PIEZO2: variants seen among roughly 807,000 people sequenced by gnomAD.
The protein encoded by PIEZO2 is piezo type mechanosensitive ion channel component 2.
A neutral mutation model predicts 337.3 loss-of-function variants in PIEZO2; 172 were observed. The observed-to-expected ratio is 0.51, with a 90% CI of 0.45 to 0.58. PIEZO2 has a LOEUF of 0.58. PIEZO2 is among the 20% of genes least tolerant of loss of function. The pLI, the probability that PIEZO2 is intolerant of heterozygous loss-of-function variation, is 0.00. For missense variants in PIEZO2, 3,028 were observed against 3,391.3 expected, an observed-to-expected ratio of 0.89 and a Z score of 2.66; for synonymous variants, 1,251 against 1,228.5, an observed-to-expected ratio of 1.02 and a Z score of -0.38.
chr18:10,868,399 A>C (rs1377268090), intron 5 of PIEZO2, among the ~76,000 whole-genome samples: 1 of 152,200 alleles, frequency 6.6e-6, no homozygotes, highest in African/African-American at 2.4e-5. Flanking sequence ...CTCAGATTCA[A>C]GTCCAGATTG....
intron 2 of PIEZO2, among the ~76,000 whole-genome samples, chr18:10,998,225 C>G (rs1321276118): frequency 6.6e-6 from 1 of 151,942 alleles, no homozygotes; most frequent in Non-Finnish European, 1.5e-5. Context: ...AACCTGCTAT[C>G]AAAGCAATGC....
At position 11,026,964 on chromosome 18, in the gene PIEZO2, C is replaced by T. The variant is rs117555326; in HGVS notation, c.160+39163G>A. On this transcript the variant is annotated intron_variant, in intron 2 of 55. Coordinates refer to ENST00000674853, the MANE Select transcript of PIEZO2 (RefSeq NM_001378183.1). ...TTAGCAATCTATCACATCACTTGAA[C>T]TAATGGGAGCGCTCGTCTCCAAGCT... Among the ~76,000 whole-genome samples the T allele has an allele frequency of 2.5e-3, 388 of 152,252 alleles. 5 individuals are homozygous for T. The East Asian group carries it at 0.033, about 13-fold the overall frequency.
chr18:10,904,423 G>T (rs2043124857), intron 4 of PIEZO2, among the ~76,000 whole-genome samples: 1 of 152,240 alleles, frequency 6.6e-6, no homozygotes, highest in African/African-American at 2.4e-5. Flanking sequence ...CTACTGTGTA[G>T]ATTGTGTAGT....
intron 1 of PIEZO2, among the ~76,000 whole-genome samples, chr18:11,081,759 CTTTTT>C (rs547000060): frequency 7.3e-6 from 1 of 137,474 alleles, no homozygotes. Flanking sequence ...CTCAACTCAA[CTTTTT>C]TTTTTTTTTT....
intron 42 of PIEZO2, 22 bp downstream of exon 42, chr18:10,704,372 A>G: frequency 5.9e-6 from 9 of 1,535,804 alleles, no homozygotes; most frequent in Non-Finnish European, 7.9e-6. Context: ...AGCCATCCAC[A>G]GGGGTCTGCG....
At chr18:11,073,412 C>T (rs915376155) in intron 1 of PIEZO2, among the ~76,000 whole-genome samples, 4 of 152,140 alleles carry the variant, frequency 2.6e-5, no homozygotes, top group Non-Finnish European at 4.4e-5. Context: ...GCTCACCCTG[C>T]GGGAAGCCAG....
intron 4 of PIEZO2, among the ~76,000 whole-genome samples, chr18:10,891,961 T>G (rs543836265): frequency 5.3e-5 from 8 of 152,324 alleles, no homozygotes; most frequent in Admixed American, 3.9e-4. Flanking sequence ...AGTTCAAGTG[T>G]GCTTTAATTT....
rs2037442432 is a variant in PIEZO2 at position 10,746,818 on chromosome 18, T to A, written c.4424+1653A>T. ...CACTGAATCTGCTCGAACCTTGATG[T>A]TGGACTTTCCAGCCTGTGGAACTGT... On this transcript the variant is annotated intron_variant, in intron 30 of 55. Transcript: ENST00000674853. This position sits in a 1 kb window ranked among gnomAD's most constrained non-coding sequence, Gnocchi z 4.2. 1.3e-5 allele frequency among the ~76,000 whole-genome samples: 2 copies of A among 152,216 alleles called. No homozygotes were observed. The highest frequency in any genetic ancestry group is 4.1e-4 in the South Asian group (2 of 4,830).
At chr18:10,777,426 C>T (rs2038829028) in intron 18 of PIEZO2, among the ~76,000 whole-genome samples, 1 of 152,190 alleles carries the variant, frequency 6.6e-6, no homozygotes, top group African/African-American at 2.4e-5. Context: ...GAATCCAGTC[C>T]TGCTCTACTC....
At chr18:10,852,467 C>T (rs538812506) in intron 7 of PIEZO2, among the ~76,000 whole-genome samples, 18 of 151,544 alleles carry the variant, frequency 1.2e-4, no homozygotes, top group African/African-American at 4.4e-4. Flanking sequence ...CATGTGCCCT[C>T]TCTCTCTCTC....
At chr18:11,049,060 A>G (rs2037422212) in intron 2 of PIEZO2, among the ~76,000 whole-genome samples, 2 of 152,146 alleles carry the variant, frequency 1.3e-5, no homozygotes, top group African/African-American at 4.8e-5. Context: ...AAATAAATTG[A>G]CTCAAAAAAT....
intron 36 of PIEZO2, among the ~76,000 whole-genome samples, chr18:10,722,832 T>A (rs1737620691): frequency 6.6e-6 from 1 of 152,056 alleles, no homozygotes; most frequent in African/African-American, 2.4e-5. Context: ...CATAGACAAG[T>A]CCTGGAATAT....
chr18:10,944,202 G>T (rs1159830963), intron 3 of PIEZO2, among the ~76,000 whole-genome samples: 1 of 151,984 alleles, frequency 6.6e-6, no homozygotes, highest in Non-Finnish European at 1.5e-5. Flanking sequence ...GCAATCATCA[G>T]TTTGGGCACA....
rs1198507424 is a variant in PIEZO2 at position 10,787,096 on chromosome 18, G to A, written c.2258C>T (p.Thr753Ile). The A allele has an allele frequency of 1.3e-6, 2 of 1,535,050 alleles. No homozygotes were observed. The highest frequency in any genetic ancestry group is 2.0e-5 in the Admixed American group (1 of 50,814). The change falls in exon 16 of 56, where the codon ACA becomes ATA. Residue 753 changes from threonine (T) to isoleucine (I), a missense_variant. Coordinates refer to ENST00000674853, the MANE Select transcript of PIEZO2 (RefSeq NM_001378183.1). ...YTMLVLIFIY[T>I]YQFENFPGLW... The stretch of plus-strand genomic sequence containing the variant: ...GCCTGGGAAGTTCTCAAACTGATAT[G>A]TGTATATAAAGATAAGCACCAGCAT...
chr18:10,985,189 C>T (rs2034823663), intron 2 of PIEZO2, among the ~76,000 whole-genome samples: 1 of 151,724 alleles, frequency 6.6e-6, no homozygotes, highest in Admixed American at 6.6e-5. Flanking sequence ...AATCAGAATA[C>T]CGTAATGGTG....
intron 41 of PIEZO2, among the ~76,000 whole-genome samples, chr18:10,704,950 C>CA (rs2035511737): frequency 6.6e-6 from 1 of 152,210 alleles, no homozygotes; most frequent in Admixed American, 6.5e-5. Context: ...CTCAGCCTCC[C>CA]AAAGTGCTGG....
intron 13 of PIEZO2, among the ~76,000 whole-genome samples, chr18:10,792,217 G>A (rs756551169): frequency 4.6e-5 from 7 of 152,202 alleles, no homozygotes; most frequent in African/African-American, 7.2e-5. Flanking sequence ...CCAAAATGCT[G>A]GGATTACAGG....
intron 3 of PIEZO2, among the ~76,000 whole-genome samples, chr18:10,958,074 T>G (rs547243317): frequency 6.6e-6 from 1 of 152,110 alleles, no homozygotes. Context: ...GGAATGTAAA[T>G]TAGTACAGCC....
At chr18:10,806,258 C>T (rs1033324066) in intron 8 of PIEZO2, among the ~76,000 whole-genome samples, 41 of 152,110 alleles carry the variant, frequency 2.7e-4, no homozygotes, top group African/African-American at 9.7e-4. Context: ...TAGGGTTCCC[C>T]GCAGGTGGGG....
Sources: allele counts gnomAD v4.1 joint callset (sites outside exome capture counted in the v4.1 genomes callset), GRCh38; gene constraint gnomAD v4.1.1; non-coding constraint Gnocchi (gnomAD v3.1); transcripts MANE v1.5; gene names NCBI Gene and HGNC (gene_info 2026-07-23, HGNC 2026-07-21).